Variants in DLX3 observed in about 807,000 individuals in gnomAD.
DLX3 encodes homeobox protein DLX-3.
A neutral mutation model predicts 28.0 loss-of-function variants in DLX3; 9 were observed. That is an observed-to-expected ratio of 0.32 (90% CI 0.19 to 0.56). The LOEUF (loss-of-function observed/expected upper bound fraction) is 0.56, where lower values mean the gene tolerates loss of function less well. DLX3 is among the 20% of genes least tolerant of loss of function. The pLI, the probability that DLX3 is intolerant of heterozygous loss-of-function variation, is 0.91. For synonymous variants in DLX3, 154 were observed against 167.9 expected (o/e 0.92, Z 0.64); for missense variants, 313 against 378.2 (o/e 0.83, Z 1.43).
At chr17:49,992,856 T>C (rs536212783) in intron 2 of DLX3, among the ~76,000 whole-genome samples, 143 of 152,266 alleles carry the variant, frequency 9.4e-4, no homozygotes, top group African/African-American at 3.4e-3. Context: ...TTGGCCTCTC[T>C]TGAGCGTTCA....
At chr17:49,993,155 G>A (rs527922449) in intron 2 of DLX3, among the ~76,000 whole-genome samples, 62 of 152,334 alleles carry the variant, frequency 4.1e-4, no homozygotes, top group Non-Finnish European at 8.1e-4. Flanking sequence ...CACTGCTGGG[G>A]GACTTGGGAG....
In DLX3 at chr17:49,991,321, G is replaced by A. The variant is rs1906077186; in HGVS notation, c.*196C>T. 1 of 585,304 alleles carries A rather than the reference G, an allele frequency of 1.7e-6. No homozygotes were observed. The highest frequency in any genetic ancestry group is 3.0e-6 in the Non-Finnish European group (1 of 334,364). 36.3% of individuals were successfully genotyped at this position (585,304 alleles called of 1,614,324 possible). ...GGGTACCCCAGTGTCTAGGCAGAGGGAGGGAGGTTCAGGGGGCATCCTTGG... is the reference window on the plus strand; with the variant it reads ...GGGTACCCCAGTGTCTAGGCAGAGGAAGGGAGGTTCAGGGGGCATCCTTGG... On this transcript the variant is annotated 3_prime_UTR_variant, in exon 3 of 3. Coordinates refer to ENST00000434704, the MANE Select transcript of DLX3 (RefSeq NM_005220.3).
intron 2 of DLX3, among the ~76,000 whole-genome samples, chr17:49,993,101 A>C (rs1027361035): frequency 1.3e-5 from 2 of 152,170 alleles, no homozygotes; most frequent in Non-Finnish European, 2.9e-5. Context: ...ACACATGCCT[A>C]GCCTGGAGGG....
In DLX3 at chr17:49,991,455, G is replaced by A. The variant is rs1906083360; in HGVS notation, c.*62C>T. ...TCCTCGATGATTCCTGAGTGGCTAG[G>A]ACGGAGGCGCCTTCTGCCTGGTCCT... On this transcript the variant is annotated 3_prime_UTR_variant, in exon 3 of 3. Transcript: ENST00000434704. The A allele has an allele frequency of 2.8e-6, 4 of 1,412,902 alleles. No individual in the cohort carries two copies. The highest frequency in any genetic ancestry group is 2.9e-6 in the Non-Finnish European group (3 of 1,042,004). The allele number at this position is 1,412,902 out of a possible 1,614,324, so 87.5% of individuals were successfully genotyped here. A position where few individuals can be genotyped will look rare whatever the true frequency, so the allele number is the denominator to read the frequency against.
Position 49,991,921 on chromosome 17 carries a change from T to C in DLX3, c.517-57A>G, listed in dbSNP as rs1906107334. 1.9e-6 allele frequency: 3 copies of C among 1,554,354 alleles called. No individual in the cohort carries two copies. In the South Asian group the frequency reaches 3.4e-5, roughly 17 times the overall value. On this transcript the variant is annotated intron_variant, in intron 2 of 2. Coordinates refer to ENST00000434704, the MANE Select transcript of DLX3 (RefSeq NM_005220.3). ...GCCTCTCAGAATGCTAAAACAACCCTGGGAAGAACCTAGCCAAGAAAAAGA... is the reference window on the plus strand; with the variant it reads ...GCCTCTCAGAATGCTAAAACAACCCCGGGAAGAACCTAGCCAAGAAAAAGA...
At position 49,990,546 on chromosome 17, in the gene DLX3, A is replaced by C. The variant is rs903729729; in HGVS notation, c.*971T>G. The C allele has an allele frequency of 6.6e-6, 1 of 152,476 alleles. No homozygotes were observed. The highest frequency in any genetic ancestry group is 1.5e-5 in the Non-Finnish European group (1 of 68,034). The allele number at this position is 152,476 out of a possible 1,614,324, so 9.4% of individuals were successfully genotyped here. A position where few individuals can be genotyped will look rare whatever the true frequency, so the allele number is the denominator to read the frequency against. ...CTCCAGCTCGGAGCAATCTGTTTCCAAGGCCACCGGAAAGGAGGTGTTTGG... is the reference window on the plus strand; with the variant it reads ...CTCCAGCTCGGAGCAATCTGTTTCCCAGGCCACCGGAAAGGAGGTGTTTGG... On this transcript the variant is annotated 3_prime_UTR_variant, in exon 3 of 3. Coordinates refer to ENST00000434704, the MANE Select transcript of DLX3 (RefSeq NM_005220.3).
intron 1 of DLX3, 130 bp from the exon 2 acceptor site, chr17:49,993,720 G>T: frequency 9.1e-7 from 1 of 1,095,890 alleles, no homozygotes; most frequent in Non-Finnish European, 1.3e-6. Flanking sequence ...CCGGCCGCGC[G>T]CTCCGCTGCC....
At chr17:49,993,757 C>T (rs954079100) in intron 1 of DLX3, 167 bp from the exon 2 acceptor site, 1 of 669,228 alleles carries the variant, frequency 1.5e-6, no homozygotes. Flanking sequence ...GCCGCGGCCC[C>T]AGAGCCAGAA....
chr17:49,991,882 G>A lies in DLX3; in HGVS notation c.517-18C>T, dbSNP rs759701711. 21 of 1,611,014 alleles carry A rather than the reference G, an allele frequency of 1.3e-5. No homozygotes were observed. Among genetic ancestry groups the A allele is most frequent in the Middle Eastern group, 1.8e-4 (1 of 5,688 alleles). On this transcript the variant is annotated intron_variant, in intron 2 of 2. Coordinates refer to ENST00000434704, the MANE Select transcript of DLX3 (RefSeq NM_005220.3). Reference sequence around the variant, plus strand: ...ATTTTCACCTGGGCCAGAGAAGAAAGGGGTAGCTAGTTAGCCTCTCAGAAT... The same window carrying A: ...ATTTTCACCTGGGCCAGAGAAGAAAAGGGTAGCTAGTTAGCCTCTCAGAAT...
intron 1 of DLX3, 132 bp downstream of exon 1, chr17:49,994,542 G>T: frequency 8.8e-7 from 1 of 1,130,868 alleles, no homozygotes; most frequent in Non-Finnish European, 1.3e-6. Flanking sequence ...GGGTCATCTA[G>T]GCCAACTTCT....
In DLX3 at chr17:49,994,750, C is replaced by T. The variant is rs1448712346; in HGVS notation, c.249G>A (p.Lys83=). ...GLAGTGAYSP[K]SEYTYGASYR... ...AGGAGGCTCCGTAGGTATATTCCGA[C>T]TTGGGCGAGTAAGCGCCCGTGCCTG... The change falls in exon 1 of 3, where the codon AAG becomes AAA. Residue 83 remains lysine (K), a synonymous_variant. Coordinates refer to ENST00000434704, the MANE Select transcript of DLX3 (RefSeq NM_005220.3). 3 of 1,614,224 alleles carry T rather than the reference C, an allele frequency of 1.9e-6. No homozygotes were observed. Among genetic ancestry groups the T allele is most frequent in the East Asian group, 4.5e-5 (2 of 44,872 alleles).
At position 49,994,763 on chromosome 17, in the gene DLX3, G is replaced by A. The variant is rs1178869273; in HGVS notation, c.236C>T (p.Ala79Val). ...FNLNGLAGTG[A>V]YSPKSEYTYG... is the part of the protein sequence containing the mutation. Reference sequence around the variant, plus strand: ...GGTATATTCCGACTTGGGCGAGTAAGCGCCCGTGCCTGCAAGCCCATTGAG... The same window carrying A: ...GGTATATTCCGACTTGGGCGAGTAAACGCCCGTGCCTGCAAGCCCATTGAG... Residue 79 changes from alanine to valine, a missense_variant, in exon 1 of 3, where the codon GCT (alanine) becomes GTT (valine). By Grantham distance (64) the Ala-to-Val change is moderately conservative. Coordinates refer to ENST00000434704, the MANE Select transcript of DLX3 (RefSeq NM_005220.3). The A allele has an allele frequency of 6.2e-7, 1 of 1,614,240 alleles. No homozygotes were observed. Among genetic ancestry groups the A allele is most frequent in the African/African-American group, 1.3e-5 (1 of 75,062 alleles).
chr17:49,992,654 C>A (rs913561282), intron 2 of DLX3, among the ~76,000 whole-genome samples: 1 of 152,144 alleles, frequency 6.6e-6, no homozygotes, highest in Non-Finnish European at 1.5e-5. Flanking sequence ...CACCAGGTGA[C>A]CCAGATTCCC....
At position 49,990,148 on chromosome 17, in the gene DLX3, GCC is replaced by G. The variant is rs1466205808; in HGVS notation, c.*1367_*1368del. ...TTGGAGACCTACCACGTCTCTCTTG[GCC>G]CCTGCACCTCCCACAAAACCCAAAT... On this transcript the variant is annotated 3_prime_UTR_variant, in exon 3 of 3. Transcript: ENST00000434704. 6.6e-6 allele frequency: 1 copy of G among 152,194 alleles called. No homozygotes were observed. The highest frequency in any genetic ancestry group is 1.5e-5 in the Non-Finnish European group (1 of 68,010). 9.4% of individuals were successfully genotyped at this position (152,194 alleles called of 1,614,324 possible).
chr17:49,992,178 G>A (rs1320301613), intron 2 of DLX3, among the ~76,000 whole-genome samples: 1 of 152,048 alleles, frequency 6.6e-6, no homozygotes, highest in African/African-American at 2.4e-5. Flanking sequence ...TGCCTCATAG[G>A]GTCATTCTGA....
At position 49,993,488 on chromosome 17, in the gene DLX3, G is replaced by C. The variant is rs758953105; in HGVS notation, c.428C>G (p.Ala143Gly). Residue 143 changes from alanine to glycine, a missense_variant, in exon 2 of 3, where the codon GCC (alanine) becomes GGC (glycine). By Grantham distance (60) the Ala-to-Gly change is moderately conservative. This residue lies in a region of DLX3 where 183 missense variants were observed against 197.7 expected (regional missense o/e 0.93). Transcript: ENST00000434704. ...GGCCTTCTGGAAGCGGCGCTGCAGG[G>C]CGGCCAGCTGGTAGCTGGAGTAGAT... is the stretch of plus-strand genomic sequence containing the variant. ...RTIYSSYQLAALQRRFQKAQY... is the reference protein window; with the variant it reads ...RTIYSSYQLAGLQRRFQKAQY... The C allele has an allele frequency of 6.2e-7, 1 of 1,613,178 alleles. No individual in the cohort carries two copies. The highest frequency in any genetic ancestry group is 1.3e-5 in the African/African-American group (1 of 74,912).
In DLX3 at chr17:49,993,391, A is replaced by C. The variant is rs1190397977; in HGVS notation, c.516+9T>G. The C allele has an allele frequency of 1.9e-5, 31 of 1,597,520 alleles. No homozygotes were observed. Among genetic ancestry groups the C allele is most frequent in the Admixed American group, 6.7e-5 (4 of 59,324 alleles). ...GCGCCCCCGCGGCCCTGGACAGCCAAACACCAACCTGTGTCTGCGTGAGGC... is the reference window on the plus strand; with the variant it reads ...GCGCCCCCGCGGCCCTGGACAGCCACACACCAACCTGTGTCTGCGTGAGGC... On this transcript the variant is annotated intron_variant, in intron 2 of 2. Transcript: ENST00000434704.
rs1314401417 is a variant in DLX3 at position 49,993,432 on chromosome 17, G to A, written c.484C>T (p.Leu162=). ...TGCGTGAGGCCCAGCTGCGCGGCCAGCTCGGCGCGCTCGGGCAGCGCCAGG... is the reference window on the plus strand; with the variant it reads ...TGCGTGAGGCCCAGCTGCGCGGCCAACTCGGCGCGCTCGGGCAGCGCCAGG... The part of the protein sequence containing the change: ...QYLALPERAE[L]AAQLGLTQTQ... The change falls in exon 2 of 3, where the codon CTG becomes TTG. Residue 162 remains leucine, a synonymous_variant. Transcript: ENST00000434704. 1.9e-6 allele frequency: 3 copies of A among 1,608,808 alleles called. No individual in the cohort carries two copies.
Position 49,991,551 on chromosome 17 carries a change from G to T in DLX3, c.830C>A (p.Pro277His). Residue 277 changes from proline (P) to histidine (H), a missense_variant, in exon 3 of 3, where the codon CCC becomes CAC. Around this residue, in one of 3 missense-constraint regions of DLX3, gnomAD observed 120 missense variants for 145.4 expected, o/e 0.83. Transcript: ENST00000434704. ...PQPATLHHAS[P>H]GPPPNPGAVY ...AGCCCCAGGGTTGGGCGGGGGCCCG[G>T]GAGAGGCATGGTGCAGGGTGGCTGG... 6.2e-7 allele frequency: 1 copy of T among 1,610,370 alleles called. No individual in the cohort carries two copies.
Sources: allele counts gnomAD v4.1 joint callset (sites outside exome capture counted in the v4.1 genomes callset), GRCh38; gene constraint gnomAD v4.1.1; regional missense constraint gnomAD v4.1.1; transcripts MANE v1.5; gene names NCBI Gene and HGNC (gene_info 2026-07-23, HGNC 2026-07-21).